HDAC4: variants seen among roughly 807,000 people sequenced by gnomAD.
The protein encoded by HDAC4 is histone deacetylase 4.
HDAC4 carries 16 observed loss-of-function variants against 135.1 expected under a neutral mutation model. The observed-to-expected ratio is 0.12, with a 90% CI of 0.08 to 0.18. The LOEUF (loss-of-function observed/expected upper bound fraction) is 0.18, where lower values mean the gene tolerates loss of function less well. Among genes scored for constraint, HDAC4 ranks in the 10% least tolerant of loss-of-function variants. HDAC4 has a pLI of 1.00. For synonymous variants in HDAC4, 685 were observed against 653.4 expected (o/e 1.05, Z -0.74); for missense variants, 1,143 against 1,511.8 (o/e 0.76, Z 4.05).
At chr2:239,284,790 T>C (rs114016060) in intron 2 of HDAC4, among the ~76,000 whole-genome samples, 5,568 of 152,148 alleles carry the variant, frequency 0.037, 129 homozygotes, top group East Asian at 0.081. Flanking sequence ...GGTTCAAAAG[T>C]AAATACACAA....
intron 9 of HDAC4, among the ~76,000 whole-genome samples, chr2:239,137,485 C>T (rs1484061320): frequency 6.6e-6 from 1 of 151,956 alleles, no homozygotes; most frequent in Non-Finnish European, 1.5e-5. Context: ...CACTCTGGGC[C>T]TCCCTGGCAC....
chr2:239,214,561 C>G (rs2046520532), intron 3 of HDAC4, among the ~76,000 whole-genome samples: 1 of 152,190 alleles, frequency 6.6e-6, no homozygotes, highest in Non-Finnish European at 1.5e-5. Context: ...GGGGCAAGAA[C>G]AGAATTGGGG....
At chr2:239,379,955 G>A (rs111877855) in intron 1 of HDAC4, among the ~76,000 whole-genome samples, 10 of 152,364 alleles carry the variant, frequency 6.6e-5, no homozygotes, top group African/African-American at 2.4e-4. Context: ...GGGGGGAAGC[G>A]GATGCAGACT....
chr2:239,054,859 A>C, intron 24 of HDAC4, 26 bp from the exon 25 acceptor site: 3 of 1,468,944 alleles, frequency 2.0e-6, no homozygotes, highest in Non-Finnish European at 2.9e-6. Flanking sequence ...TAAGAATATA[A>C]AGACTGCCAA....
chr2:239,261,266 A>T (rs1478023603), intron 2 of HDAC4, among the ~76,000 whole-genome samples: 1 of 152,234 alleles, frequency 6.6e-6, no homozygotes, highest in Non-Finnish European at 1.5e-5. Flanking sequence ...AATGCACTTT[A>T]GGAACTAAAT....
chr2:239,193,313 TA>T (rs1217125651), intron 3 of HDAC4, among the ~76,000 whole-genome samples: 1 of 152,270 alleles, frequency 6.6e-6, no homozygotes. Flanking sequence ...TTAATCTCTT[TA>T]AAAACCGAAC....
intron 24 of HDAC4, among the ~76,000 whole-genome samples, chr2:239,062,868 G>A (rs2032958570): frequency 6.6e-6 from 1 of 152,192 alleles, no homozygotes; most frequent in Non-Finnish European, 1.5e-5. Context: ...TGGCCAGAAG[G>A]CAGGGCGTGT....
chr2:239,092,710 C>T (rs1336333124), intron 17 of HDAC4, among the ~76,000 whole-genome samples: 1 of 152,186 alleles, frequency 6.6e-6, no homozygotes, highest in Non-Finnish European at 1.5e-5. Flanking sequence ...CTCCCAGGGA[C>T]CAGCCTGGAG....
chr2:239,240,938 TCTAA>T lies in HDAC4; in HGVS notation c.23-4278_23-4275del, dbSNP rs145623601. Among the ~76,000 whole-genome samples, 3,954 of 152,252 alleles carry T rather than the reference TCTAA, an allele frequency of 0.026. 189 individuals are homozygous for T. The highest frequency in any genetic ancestry group is 0.09 in the African/African-American group (3,750 of 41,508). On this transcript the variant is annotated intron_variant, in intron 2 of 26. Coordinates refer to ENST00000543185, the MANE Select transcript of HDAC4 (RefSeq NM_001378414.1). The surrounding 1 kb of genome is among the most constrained non-coding windows in gnomAD (Gnocchi z 4.5). ...ACCTTGCATCAGACGGGTAGGTATG[TCTAA>T]CCAGAAACCCGGCCTTCTGGAGCCA...
At chr2:239,345,583 G>A (rs889373229) in intron 2 of HDAC4, among the ~76,000 whole-genome samples, 4 of 148,380 alleles carry the variant, frequency 2.7e-5, no homozygotes, top group Non-Finnish European at 4.5e-5. Context: ...ACACACACAC[G>A]GACACCCTAA....
rs537054995 is a variant in HDAC4 at position 239,352,244 on chromosome 2, C to T, written c.22+434G>A. Among the ~76,000 whole-genome samples, 1 of 152,282 alleles carries T rather than the reference C, an allele frequency of 6.6e-6. No homozygotes were observed. Among genetic ancestry groups the T allele is most frequent in the South Asian group, 2.1e-4 (1 of 4,814 alleles). ...CAAACACCAGGAGCAACTGTGGCCA[C>T]GACCTCAGTGGGAACATGAGCTTCT... is the stretch of plus-strand genomic sequence containing the variant. On this transcript the variant is annotated intron_variant, in intron 2 of 26. Transcript: ENST00000543185. The surrounding 1 kb of genome is among the most constrained non-coding windows in gnomAD (Gnocchi z 4.4).
At chr2:239,250,691 G>A (rs2048735812) in intron 2 of HDAC4, among the ~76,000 whole-genome samples, 1 of 152,214 alleles carries the variant, frequency 6.6e-6, no homozygotes, top group Non-Finnish European at 1.5e-5. Flanking sequence ...CAAGGAGAAG[G>A]GGCCAGAAGA....
At chr2:239,322,675 G>C (rs1380407023) in intron 2 of HDAC4, among the ~76,000 whole-genome samples, 2 of 152,224 alleles carry the variant, frequency 1.3e-5, no homozygotes, top group African/African-American at 2.4e-5. Context: ...ATGCTCACAA[G>C]AGGTGTCTTG....
intron 2 of HDAC4, among the ~76,000 whole-genome samples, chr2:239,347,086 C>A (rs1277894052): frequency 6.7e-6 from 1 of 149,418 alleles, no homozygotes; most frequent in African/African-American, 2.6e-5. Flanking sequence ...CACCCTAACA[C>A]ACACTCTAAC....
intron 2 of HDAC4, among the ~76,000 whole-genome samples, chr2:239,266,004 C>T (rs2049704814): frequency 6.6e-6 from 1 of 152,196 alleles, no homozygotes; most frequent in Non-Finnish European, 1.5e-5. Flanking sequence ...CGTGGCCTGC[C>T]TTGCCCAGCT....
At chr2:239,233,160 T>G (rs1324672443) in intron 3 of HDAC4, among the ~76,000 whole-genome samples, 1 of 152,252 alleles carries the variant, frequency 6.6e-6, no homozygotes, top group East Asian at 1.9e-4. Flanking sequence ...AGAGCTACTT[T>G]ACAATTAAAA....
At chr2:239,235,291 G>C (rs538406935) in intron 3 of HDAC4, among the ~76,000 whole-genome samples, 5 of 152,300 alleles carry the variant, frequency 3.3e-5, no homozygotes, top group African/African-American at 1.2e-4. Context: ...TTTGGAAAAT[G>C]ACAGAAAACC....
At chr2:239,354,824 T>G (rs939999668) in intron 1 of HDAC4, among the ~76,000 whole-genome samples, 4 of 152,196 alleles carry the variant, frequency 2.6e-5, no homozygotes, top group Admixed American at 2.6e-4. Flanking sequence ...AGAGACATTT[T>G]CTTGAAGGGA....
At chr2:239,201,815 C>T (rs2045771904) in intron 3 of HDAC4, among the ~76,000 whole-genome samples, 1 of 152,182 alleles carries the variant, frequency 6.6e-6, no homozygotes, top group Non-Finnish European at 1.5e-5. Flanking sequence ...GTGCATTTTA[C>T]TCCACTGTCT....
Sources: allele counts gnomAD v4.1 joint callset (sites outside exome capture counted in the v4.1 genomes callset), GRCh38; gene constraint gnomAD v4.1.1; non-coding constraint Gnocchi (gnomAD v3.1); transcripts MANE v1.5; gene names NCBI Gene and HGNC (gene_info 2026-07-23, HGNC 2026-07-21).